LIMCH1: variants seen among roughly 807,000 people sequenced by gnomAD.
LIMCH1 encodes LIM and calponin homology domains-containing protein 1.
Under a neutral mutation model 176.5 loss-of-function variants are expected in LIMCH1, and 113 were observed. The ratio of observed to expected loss-of-function variants is 0.64; its 90% CI spans 0.55 to 0.75. LIMCH1 has a LOEUF of 0.75. LIMCH1 is among the 30% of genes least tolerant of loss of function. LIMCH1 has a pLI of 0.00. For missense variants in LIMCH1, 1,674 were observed against 1,814.9 expected (o/e 0.92, Z 1.41); for synonymous variants, 619 against 645.9 (o/e 0.96, Z 0.63).
chr4:41,502,851 C>G (rs2073541420), intron 2 of LIMCH1, among the ~76,000 whole-genome samples: 1 of 150,680 alleles, frequency 6.6e-6, no homozygotes, highest in South Asian at 2.1e-4. Flanking sequence ...GCAACTGAAA[C>G]CAGTTTAAAC....
intron 1 of LIMCH1, among the ~76,000 whole-genome samples, chr4:41,367,807 C>G (rs1428765410): frequency 1.3e-5 from 2 of 148,346 alleles, no homozygotes; most frequent in African/African-American, 2.5e-5. Context: ...GCGGAACTTG[C>G]AGTGAGCCAA....
chr4:41,564,515 C>T (rs2082460779), intron 1 of LIMCH1, among the ~76,000 whole-genome samples: 1 of 152,168 alleles, frequency 6.6e-6, no homozygotes, highest in South Asian at 2.1e-4. Context: ...ATTAATGCAG[C>T]ATACATTAAA....
chr4:41,370,814 T>C (rs114850941), intron 1 of LIMCH1, among the ~76,000 whole-genome samples: 3 of 152,296 alleles, frequency 2.0e-5, no homozygotes, highest in African/African-American at 7.2e-5. Context: ...TGAGGTGGTA[T>C]ATTGTGTATA....
chr4:41,611,608 C>T (rs1245616819), intron 4 of LIMCH1, among the ~76,000 whole-genome samples: 1 of 152,220 alleles, frequency 6.6e-6, no homozygotes, highest in Non-Finnish European at 1.5e-5. Flanking sequence ...TGTGTGACCT[C>T]AGTCAAGTTA....
chr4:41,631,550 A>G, intron 10 of LIMCH1, 73 bp downstream of exon 10: 5 of 1,219,742 alleles, frequency 4.1e-6, no homozygotes, highest in Non-Finnish European at 5.6e-6. Context: ...TTGCTGAAGC[A>G]CATTATACAA....
intron 1 of LIMCH1, among the ~76,000 whole-genome samples, chr4:41,429,263 C>T (rs546005380): frequency 6.6e-6 from 1 of 152,178 alleles, no homozygotes; most frequent in East Asian, 1.9e-4. Flanking sequence ...TAGTCTTATT[C>T]TACAAAGCAG....
intron 1 of LIMCH1, among the ~76,000 whole-genome samples, chr4:41,473,898 G>A (rs1375019581): frequency 6.6e-6 from 1 of 152,128 alleles, no homozygotes; most frequent in African/African-American, 2.4e-5. Flanking sequence ...TGGGCAAATG[G>A]CAGGCACAGT....
intron 1 of LIMCH1, among the ~76,000 whole-genome samples, chr4:41,462,654 A>G (rs1299439782): frequency 6.6e-6 from 1 of 152,244 alleles, no homozygotes; most frequent in African/African-American, 2.4e-5. Flanking sequence ...TATACATAAC[A>G]TAAACTGAAA....
chr4:41,443,480 G>A (rs2062935410), intron 1 of LIMCH1, among the ~76,000 whole-genome samples: 1 of 152,152 alleles, frequency 6.6e-6, no homozygotes, highest in Non-Finnish European at 1.5e-5. Context: ...TATGGACTTT[G>A]CTCTTATTGC....
chr4:41,656,023 A>G (rs980546404), intron 18 of LIMCH1, among the ~76,000 whole-genome samples: 1 of 152,102 alleles, frequency 6.6e-6, no homozygotes, highest in Non-Finnish European at 1.5e-5. Flanking sequence ...GCACCATCCC[A>G]TCAGGTTCGT....
intron 7 of LIMCH1, among the ~76,000 whole-genome samples, chr4:41,621,110 C>T (rs907620636): frequency 6.6e-6 from 1 of 152,202 alleles, no homozygotes; most frequent in Admixed American, 6.5e-5. Context: ...GGAACACTCT[C>T]TTTAGAGAGT....
At chr4:41,438,238 G>A (rs2154139818) in intron 1 of LIMCH1, among the ~76,000 whole-genome samples, 2 of 152,304 alleles carry the variant, frequency 1.3e-5, no homozygotes, top group Admixed American at 1.3e-4. Flanking sequence ...ATCCATATCT[G>A]CAAAGATGAG....
At position 41,631,137 on chromosome 4, in the gene LIMCH1, G is replaced by C. The variant is rs942072878; in HGVS notation, c.1272-11G>C. ...CAGACACTTTTAGAACTTATTTCTGGTTTTGACTAGGGATGGAGATGTTCA... is the reference window on the plus strand; with the variant it reads ...CAGACACTTTTAGAACTTATTTCTGCTTTTGACTAGGGATGGAGATGTTCA... On this transcript the variant is annotated splice_polypyrimidine_tract_variant and intron_variant, in intron 9 of 31. Coordinates refer to ENST00000503057, the MANE Select transcript of LIMCH1 (RefSeq NM_001330672.2). 6.7e-7 allele frequency: 1 copy of C among 1,491,688 alleles called. No individual in the cohort carries two copies. Among genetic ancestry groups the C allele is most frequent in the Admixed American group, 2.4e-5 (1 of 41,712 alleles). 92.4% of individuals were successfully genotyped at this position (1,491,688 alleles called of 1,614,324 possible). A position where few individuals can be genotyped will look rare whatever the true frequency, so the allele number is the denominator to read the frequency against.
At chr4:41,678,526 A>G (rs1349615808) in intron 23 of LIMCH1, among the ~76,000 whole-genome samples, 1 of 152,196 alleles carries the variant, frequency 6.6e-6, no homozygotes, top group African/African-American at 2.4e-5. Context: ...TGAACAGCCA[A>G]GAGTCAGATT....
At chr4:41,445,257 G>A (rs2063168956) in intron 1 of LIMCH1, among the ~76,000 whole-genome samples, 1 of 152,142 alleles carries the variant, frequency 6.6e-6, no homozygotes, top group African/African-American at 2.4e-5. Context: ...ACCTGCCTCA[G>A]CCTCCCAAAG....
At chr4:41,491,868 C>T (rs2071104817) in intron 1 of LIMCH1, among the ~76,000 whole-genome samples, 2 of 151,556 alleles carry the variant, frequency 1.3e-5, no homozygotes. Context: ...AGGCGCTCCT[C>T]ACTTCCTCCC....
At chr4:41,490,900 G>A (rs2070730906) in intron 1 of LIMCH1, among the ~76,000 whole-genome samples, 1 of 151,630 alleles carries the variant, frequency 6.6e-6, no homozygotes, top group Non-Finnish European at 1.5e-5. Context: ...CCCAGACGGG[G>A]CGGCCAGGCA....
rs1554061021 is a variant in LIMCH1, at chr4:41,469,665, G to GATTGATTTATTTATTT, written c.97-24868_97-24867insGATTTATTTATTTATT. On this transcript the variant is annotated intron_variant, in intron 1 of 26. Transcript: ENST00000313860. The stretch of plus-strand genomic sequence containing the variant: ...AGGATTATGTCATAGCTTGTTTTGA[G>GATTGATTTATTTATTT]ATTTATTTATTTATTTATTTATTTA... 2.1e-3 allele frequency among the ~76,000 whole-genome samples: 317 copies of GATTGATTTATTTATTT among 148,354 alleles called. 4 individuals carry two copies. Among genetic ancestry groups the GATTGATTTATTTATTT allele is most frequent in the African/African-American group, 7.0e-3 (276 of 39,624 alleles).
chr4:41,613,565 C>T lies in LIMCH1; in HGVS notation c.109C>T (p.His37Tyr), dbSNP rs1331685076. ...ERSDSLSPPRHGRDDSFDSLD... is the reference protein window; with the variant it reads ...ERSDSLSPPRYGRDDSFDSLD... ...CAGCGACTCCCTCTCTCCTCCTCGC[C>T]ACGGCAGAGATGATTCCTTCGACAG... The change falls in exon 5 of 32, where the codon CAC becomes TAC. Residue 37 changes from histidine (H) to tyrosine (Y), a missense_variant. By Grantham distance (83) the His-to-Tyr change is moderately conservative. Transcript: ENST00000503057. 6.2e-7 allele frequency: 1 copy of T among 1,614,146 alleles called. No homozygotes were observed. The highest frequency in any genetic ancestry group is 1.3e-5 in the African/African-American group (1 of 75,044).
Sources: allele counts gnomAD v4.1 joint callset (sites outside exome capture counted in the v4.1 genomes callset), GRCh38; gene constraint gnomAD v4.1.1; transcripts MANE v1.5; gene names NCBI Gene and HGNC (gene_info 2026-07-23, HGNC 2026-07-21).